Variants in ARID4A observed in about 807,000 individuals in gnomAD.
ARID4A encodes AT-rich interaction domain 4A, also known as AT-rich interactive domain-containing protein 4A.
A neutral mutation model predicts 148.6 loss-of-function variants in ARID4A; 39 were observed. The ratio of observed to expected loss-of-function variants is 0.26; its 90% CI spans 0.20 to 0.34. ARID4A has a LOEUF of 0.34. ARID4A is among the 10% of genes least tolerant of loss of function. The pLI is 1.00. For synonymous variants in ARID4A, 475 were observed against 481.2 expected (o/e 0.99, Z 0.17); for missense variants, 1,265 against 1,449.1 (o/e 0.87, Z 2.06).
At chr14:58,324,458 T>G (rs2033106174) in intron 8 of ARID4A, among the ~76,000 whole-genome samples, 1 of 151,870 alleles carries the variant, frequency 6.6e-6, no homozygotes, top group Non-Finnish European at 1.5e-5. Context: ...TATTTTTTAT[T>G]TTTTGTAGAC....
chr14:58,359,752 T>G (rs142170065), intron 18 of ARID4A, among the ~76,000 whole-genome samples: 114 of 152,312 alleles, frequency 7.5e-4, no homozygotes, highest in African/African-American at 2.6e-3. Flanking sequence ...GATATTGTGT[T>G]TGTTTAATAA....
At chr14:58,299,422 A>C in intron 1 of ARID4A, 1 of 162,322 alleles carries the variant, frequency 6.2e-6, no homozygotes, top group South Asian at 1.7e-4. Context: ...AAGTCGGGGT[A>C]TCCGGGGGAC....
intron 3 of ARID4A, among the ~76,000 whole-genome samples, chr14:58,304,295 A>G (rs80258267): frequency 7.2e-4 from 110 of 152,314 alleles, no homozygotes; most frequent in African/African-American, 2.6e-3. Flanking sequence ...TAACAATTCA[A>G]ATTTGGTATT....
At chr14:58,322,963 CAAAAAA>C (rs386381476) in intron 7 of ARID4A, among the ~76,000 whole-genome samples, 1 of 42,246 alleles carries the variant, frequency 2.4e-5, no homozygotes, top group Admixed American at 3.5e-4. Flanking sequence ...ACTCCATTTC[CAAAAAA>C]AAAAAAAAAA....
chr14:58,366,125 TCTC>T lies in ARID4A; in HGVS notation c.3421_3423del (p.Pro1141del), dbSNP rs1288630971. ...ATCTAAGCCACAGAAACTTGCACGATCTCCTGCAAGAATATCCCCGCACATCAA... is the reference window on the plus strand; with the variant it reads ...ATCTAAGCCACAGAAACTTGCACGATCTGCAAGAATATCCCCGCACATCAA... On this transcript the variant is annotated inframe_deletion, in exon 22 of 24. Transcript: ENST00000355431. 1 of 1,613,600 alleles carries T rather than the reference TCTC, an allele frequency of 6.2e-7. No homozygotes were observed.
chr14:58,365,491 A>AAAAATTAT, intron 20 of ARID4A, 27 bp from the exon 21 acceptor site: 2 of 518,628 alleles, frequency 3.9e-6, no homozygotes, highest in Non-Finnish European at 5.4e-6. Flanking sequence ...TTTTTTTTTC[A>AAAAATTAT]ACATTCTCTC....
chr14:58,322,519 T>C (rs1427445873), intron 7 of ARID4A, among the ~76,000 whole-genome samples: 1 of 152,084 alleles, frequency 6.6e-6, no homozygotes, highest in Non-Finnish European at 1.5e-5. Context: ...CTGTGGAGTC[T>C]CACAGCTGAG....
chr14:58,359,555 C>G (rs1252890048), intron 18 of ARID4A, among the ~76,000 whole-genome samples: 2 of 152,102 alleles, frequency 1.3e-5, no homozygotes, highest in African/African-American at 2.4e-5. Context: ...TAGTATCATA[C>G]AGAGTAGCTT....
At chr14:58,338,940 A>AGGG (rs1318399219) in intron 11 of ARID4A, among the ~76,000 whole-genome samples, 1 of 108,444 alleles carries the variant, frequency 9.2e-6, no homozygotes, top group African/African-American at 3.6e-5. Flanking sequence ...CACAAAAGGT[A>AGGG]GGGGTGTTAT....
intron 7 of ARID4A, 143 bp downstream of exon 7, chr14:58,318,948 A>C (rs2032657503): frequency 3.2e-6 from 2 of 627,390 alleles, no homozygotes; most frequent in East Asian, 5.5e-5. Context: ...CCCTGAGTGG[A>C]CCTTGTTCTT....
At chr14:58,333,794 TA>T (rs1341251285) in intron 11 of ARID4A, among the ~76,000 whole-genome samples, 1 of 152,182 alleles carries the variant, frequency 6.6e-6, no homozygotes, top group Non-Finnish European at 1.5e-5. Context: ...TTACTTTAGG[TA>T]TAAACTTACA....
intron 7 of ARID4A, among the ~76,000 whole-genome samples, chr14:58,320,128 A>G (rs2032768881): frequency 2.0e-5 from 3 of 151,150 alleles, no homozygotes; most frequent in Non-Finnish European, 4.4e-5. Flanking sequence ...TTCTATTTTT[A>G]GTAGAGACAG....
intron 17 of ARID4A, among the ~76,000 whole-genome samples, chr14:58,358,302 C>T (rs1288797686): frequency 6.6e-6 from 1 of 151,974 alleles, no homozygotes; most frequent in African/African-American, 2.4e-5. Context: ...AACCCCGTCT[C>T]TACGAAAAAT....
intron 8 of ARID4A, among the ~76,000 whole-genome samples, chr14:58,324,424 T>A (rs1034666227): frequency 1.3e-5 from 2 of 152,096 alleles, no homozygotes; most frequent in Non-Finnish European, 2.9e-5. Flanking sequence ...TACAGGAGTG[T>A]GCCTCCACAC....
intron 8 of ARID4A, among the ~76,000 whole-genome samples, chr14:58,325,951 A>T (rs1214297281): frequency 4.6e-5 from 7 of 152,122 alleles, no homozygotes; most frequent in Non-Finnish European, 1.0e-4. Flanking sequence ...CTATTCTTAC[A>T]TTTGACGATT....
chr14:58,371,010 C>G (rs1007697999), intron 23 of ARID4A, among the ~76,000 whole-genome samples: 6 of 152,006 alleles, frequency 3.9e-5, no homozygotes, highest in Admixed American at 3.3e-4. Context: ...GAATTTGTTG[C>G]CTGGGCATGG....
At position 58,365,156 on chromosome 14, in the gene ARID4A, A is replaced by G. The variant is rs764329604; in HGVS notation, c.3067A>G (p.Ser1023Gly). 6.2e-7 allele frequency: 1 copy of G among 1,614,142 alleles called. No individual in the cohort carries two copies. The highest frequency in any genetic ancestry group is 1.1e-5 in the South Asian group (1 of 91,080). Residue 1023 changes from serine to glycine, a missense_variant, in exon 20 of 24, where the codon AGT (serine) becomes GGT (glycine). Ser to Gly is a moderately conservative substitution (Grantham distance 56). Around this residue, in one of 9 missense-constraint regions of ARID4A, gnomAD observed 666 missense variants for 730.9 expected, o/e 0.91. Coordinates refer to ENST00000355431, the MANE Select transcript of ARID4A (RefSeq NM_002892.4). ...TGAGTCTCGAAGCGTAAAAAGTGAG[A>G]GTGATATAACGATTGAAGTTGATAG... ...QDESRSVKSE[S>G]DITIEVDSIA...
intron 16 of ARID4A, chr14:58,353,415 C>CA: frequency 2.7e-6 from 1 of 376,072 alleles, no homozygotes; most frequent in Non-Finnish European, 4.7e-6. Context: ...TCATCGTTAA[C>CA]TGTGACTTGA....
Position 58,316,903 on chromosome 14 carries a change from T to C in ARID4A, c.275-1639T>C, listed in dbSNP as rs543055213. Among the ~76,000 whole-genome samples, 79 of 88,974 alleles carry C rather than the reference T, an allele frequency of 8.9e-4. 1 individual carries two copies. In the South Asian group the frequency reaches 0.032, roughly 36 times the overall value. 58.4% of individuals were successfully genotyped at this position (88,974 alleles called of 152,430 possible). A position where few individuals can be genotyped will look rare whatever the true frequency, so the allele number is the denominator to read the frequency against. On this transcript the variant is annotated intron_variant, in intron 5 of 23. Transcript: ENST00000355431. ...CCAAGTAGTATGATTTTTTAAAATA[T>C]GTACTAAAGGCCAGGCGCGGTGCTC...
Sources: allele counts gnomAD v4.1 joint callset (sites outside exome capture counted in the v4.1 genomes callset), GRCh38; gene constraint gnomAD v4.1.1; regional missense constraint gnomAD v4.1.1; transcripts MANE v1.5; gene names NCBI Gene and HGNC (gene_info 2026-07-23, HGNC 2026-07-21).